The following ZDHHC14 variants were observed in gnomAD, a reference collection of about 807,000 sequenced individuals.
The protein encoded by ZDHHC14 is zDHHC palmitoyltransferase 14.
ZDHHC14 carries 16 observed loss-of-function variants against 47.7 expected under a neutral mutation model. The observed-to-expected ratio is 0.34, with a 90% CI of 0.23 to 0.51. The LOEUF is 0.51. Ranked by LOEUF, ZDHHC14 falls within the 20% of genes least tolerant of loss-of-function variation. ZDHHC14 has a pLI of 0.97. For missense variants in ZDHHC14, 515 were observed against 662.5 expected, an observed-to-expected ratio of 0.78 and a Z score of 2.44; for synonymous variants, 293 against 278.9, an observed-to-expected ratio of 1.05 and a Z score of -0.50.
intron 1 of ZDHHC14, among the ~76,000 whole-genome samples, chr6:157,517,307 G>A (rs1176692475): frequency 1.4e-5 from 2 of 140,774 alleles, no homozygotes; most frequent in Non-Finnish European, 3.0e-5. Flanking sequence ...AAAGACTTCT[G>A]CTCTATAGTA....
intron 2 of ZDHHC14, among the ~76,000 whole-genome samples, chr6:157,560,081 C>T (rs1346719176): frequency 1.3e-5 from 2 of 152,226 alleles, no homozygotes; most frequent in Non-Finnish European, 2.9e-5. Context: ...TACCTTTCCA[C>T]TCATGCAGGC....
intron 3 of ZDHHC14, among the ~76,000 whole-genome samples, chr6:157,601,770 CT>C (rs202170092): frequency 0.016 from 2,510 of 152,268 alleles, 60 homozygotes; most frequent in African/African-American, 0.056. Flanking sequence ...CATGCACATG[CT>C]TTCTGTGTGT....
At chr6:157,465,465 T>A (rs1021339363) in intron 1 of ZDHHC14, among the ~76,000 whole-genome samples, 24 of 152,160 alleles carry the variant, frequency 1.6e-4, no homozygotes, top group African/African-American at 5.3e-4. Context: ...GCCACCCCCA[T>A]AACAATGCAT....
chr6:157,596,971 G>A (rs1310796789), intron 3 of ZDHHC14, among the ~76,000 whole-genome samples: 1 of 152,058 alleles, frequency 6.6e-6, no homozygotes, highest in African/African-American at 2.4e-5. Flanking sequence ...TGCCGTGATC[G>A]ACGTGAATGT....
At chr6:157,489,296 T>A (rs1016747811) in intron 1 of ZDHHC14, among the ~76,000 whole-genome samples, 1 of 152,224 alleles carries the variant, frequency 6.6e-6, no homozygotes, top group Admixed American at 6.5e-5. Flanking sequence ...TAGAACAAAC[T>A]CATGCGCAAT....
intron 2 of ZDHHC14, among the ~76,000 whole-genome samples, chr6:157,559,560 C>A (rs188610933): frequency 2.0e-5 from 3 of 152,320 alleles, no homozygotes; most frequent in Admixed American, 2.0e-4. Flanking sequence ...AGCCACCCTG[C>A]CATCTTGAAG....
intron 1 of ZDHHC14, among the ~76,000 whole-genome samples, chr6:157,445,146 T>G (rs1053066485): frequency 1.9e-5 from 2 of 104,950 alleles, no homozygotes; most frequent in African/African-American, 6.5e-5. Context: ...ACACACACAC[T>G]CTTCATATCT....
Position 157,472,692 on chromosome 6 carries a change from A to G in ZDHHC14, c.246-69893A>G, listed in dbSNP as rs917817178. On this transcript the variant is annotated intron_variant, in intron 1 of 8. Transcript: ENST00000359775. ...AAAGGTGATTGAAAGCACATGCTCT[A>G]GAAGCAGTGACTCCACAAACTTACT... Among the ~76,000 whole-genome samples, 5 of 152,224 alleles carry G rather than the reference A, an allele frequency of 3.3e-5. No individual in the cohort carries two copies. In the East Asian group the frequency reaches 7.7e-4, roughly 23 times the overall value.
Position 157,628,441 on chromosome 6 carries a change from C to A in ZDHHC14, c.658C>A (p.Leu220Met), listed in dbSNP as rs1190235645. ...FYMFILSLSF[L>M]TVFIFAFVIT... is the part of the protein sequence containing the mutation. Reference sequence around the variant, plus strand: ...TATGTTTATTTTATCTCTGTCTTTTCTGACAGTCTTTATATTTGCATTCGT... The same window carrying A: ...TATGTTTATTTTATCTCTGTCTTTTATGACAGTCTTTATATTTGCATTCGT... The change falls in exon 4 of 9, where the codon CTG becomes ATG. Residue 220 changes from leucine (L) to methionine (M), a missense_variant. This residue lies in a region of ZDHHC14 where 229 missense variants were observed against 351.5 expected (regional missense o/e 0.65). Transcript: ENST00000359775. The A allele has an allele frequency of 3.1e-6, 5 of 1,612,458 alleles. No individual in the cohort carries two copies. The highest frequency in any genetic ancestry group is 4.2e-6 in the Non-Finnish European group (5 of 1,179,756).
intron 8 of ZDHHC14, among the ~76,000 whole-genome samples, chr6:157,667,534 G>A (rs1381388881): frequency 3.3e-5 from 5 of 151,312 alleles, no homozygotes; most frequent in Non-Finnish European, 7.4e-5. Flanking sequence ...TAGAGGGGAA[G>A]AGAGTTGGTG....
chr6:157,426,807 C>T (rs1245031273), intron 1 of ZDHHC14, among the ~76,000 whole-genome samples: 1 of 152,180 alleles, frequency 6.6e-6, no homozygotes, highest in African/African-American at 2.4e-5. Context: ...AGGAGAGAAG[C>T]CGGGAAGCCG....
intron 8 of ZDHHC14, among the ~76,000 whole-genome samples, chr6:157,657,414 C>T (rs945038667): frequency 6.6e-5 from 10 of 152,126 alleles, no homozygotes; most frequent in African/African-American, 2.4e-4. Context: ...CTTGAAAGCA[C>T]TGTTGGGTAT....
At chr6:157,524,112 T>A (rs961299157) in intron 1 of ZDHHC14, among the ~76,000 whole-genome samples, 18 of 152,016 alleles carry the variant, frequency 1.2e-4, no homozygotes, top group Admixed American at 1.0e-3. Flanking sequence ...TAAACAGACT[T>A]CACTTCTATT....
chr6:157,399,025 A>G (rs1048025472), intron 1 of ZDHHC14, among the ~76,000 whole-genome samples: 1 of 152,342 alleles, frequency 6.6e-6, no homozygotes, highest in South Asian at 2.1e-4. Flanking sequence ...GAAGCTCTGC[A>G]ATTTTCTGGA....
At chr6:157,451,733 G>A (rs1293087898) in intron 1 of ZDHHC14, among the ~76,000 whole-genome samples, 2 of 152,042 alleles carry the variant, frequency 1.3e-5, no homozygotes, top group Non-Finnish European at 2.9e-5. Flanking sequence ...GCTAATTTTT[G>A]TATTTTTAGT....
At chr6:157,550,357 GAC>G (rs1322242207) in intron 2 of ZDHHC14, among the ~76,000 whole-genome samples, 1 of 152,044 alleles carries the variant, frequency 6.6e-6, no homozygotes, top group Non-Finnish European at 1.5e-5. Context: ...ATTCTAGAGA[GAC>G]CACAGTGTCA....
At chr6:157,423,421 A>G (rs1778149072) in intron 1 of ZDHHC14, among the ~76,000 whole-genome samples, 1 of 152,108 alleles carries the variant, frequency 6.6e-6, no homozygotes. Context: ...TCTTAGTGCA[A>G]ATGAGGTATA....
chr6:157,654,463 A>C (rs1346588284), intron 8 of ZDHHC14, among the ~76,000 whole-genome samples: 1 of 152,162 alleles, frequency 6.6e-6, no homozygotes, highest in Admixed American at 6.5e-5. Context: ...CTCTTTCTAT[A>C]GCTGAATCAC....
intron 1 of ZDHHC14, among the ~76,000 whole-genome samples, chr6:157,469,816 G>A (rs1407409744): frequency 6.6e-6 from 1 of 152,190 alleles, no homozygotes. Flanking sequence ...CCCGGAAGTG[G>A]AGCAGAGCCG....
Sources: allele counts gnomAD v4.1 joint callset (sites outside exome capture counted in the v4.1 genomes callset), GRCh38; gene constraint gnomAD v4.1.1; regional missense constraint gnomAD v4.1.1; transcripts MANE v1.5; gene names NCBI Gene and HGNC (gene_info 2026-07-23, HGNC 2026-07-21).